Variants in PLCH1 observed in about 807,000 individuals in gnomAD.
The protein encoded by PLCH1 is phospholipase C eta 1.
In PLCH1, 60 loss-of-function variants were observed where a neutral mutation model predicts 126.7. The observed-to-expected ratio is 0.47, with a 90% CI of 0.38 to 0.59. The LOEUF (loss-of-function observed/expected upper bound fraction) is 0.59. PLCH1 is among the 20% of genes least tolerant of loss of function. The pLI, the probability that PLCH1 is intolerant of heterozygous loss-of-function variation, is 0.00. For synonymous variants in PLCH1, 719 were observed against 734.9 expected (o/e 0.98, Z 0.35); for missense variants, 1,723 against 2,040.0 (o/e 0.84, Z 2.99).
intron 4 of PLCH1, 69 bp from the exon 5 acceptor site, chr3:155,586,263 C>A: frequency 2.0e-6 from 3 of 1,505,272 alleles, no homozygotes; most frequent in South Asian, 2.3e-5. Flanking sequence ...ACAGAATACT[C>A]GCAAAGACAT....
At chr3:155,695,801 G>A (rs1277406116) in intron 2 of PLCH1, among the ~76,000 whole-genome samples, 1 of 152,226 alleles carries the variant, frequency 6.6e-6, no homozygotes, top group Non-Finnish European at 1.5e-5. Context: ...CCTTTGAGAG[G>A]ACTTTTACTC....
intron 10 of PLCH1, among the ~76,000 whole-genome samples, chr3:155,535,117 T>G (rs935374964): frequency 6.6e-6 from 1 of 152,212 alleles, no homozygotes; most frequent in Non-Finnish European, 1.5e-5. Flanking sequence ...AAGAGCCCTG[T>G]GGGCACACCC....
chr3:155,513,979 T>C (rs372870827), intron 12 of PLCH1, among the ~76,000 whole-genome samples: 1 of 152,124 alleles, frequency 6.6e-6, no homozygotes, highest in Non-Finnish European at 1.5e-5. Context: ...CCAAGAAACA[T>C]GTAACTCATG....
chr3:155,612,822 C>T (rs527503682), intron 2 of PLCH1, among the ~76,000 whole-genome samples: 49 of 148,912 alleles, frequency 3.3e-4, no homozygotes, highest in Non-Finnish European at 4.7e-4. Context: ...ACAGGAGAAT[C>T]GCTTGAACCT....
intron 1 of PLCH1, among the ~76,000 whole-genome samples, chr3:155,716,518 T>C (rs557579395): frequency 2.5e-4 from 38 of 152,292 alleles, no homozygotes; most frequent in Middle Eastern, 3.4e-3. Flanking sequence ...CCCAGGAAGC[T>C]TTTACTAATG....
intron 10 of PLCH1, among the ~76,000 whole-genome samples, chr3:155,533,000 A>C (rs1198784968): frequency 6.6e-6 from 1 of 152,216 alleles, no homozygotes; most frequent in African/African-American, 2.4e-5. Flanking sequence ...GGTTTTGACC[A>C]AAATGCTGAT....
intron 1 of PLCH1, among the ~76,000 whole-genome samples, chr3:155,706,589 C>T (rs1746688960): frequency 6.7e-6 from 1 of 150,034 alleles, no homozygotes; most frequent in Non-Finnish European, 1.5e-5. Context: ...CACTGCACTC[C>T]GGCCTGGGCG....
At chr3:155,508,937 T>C (rs1384602149) in intron 12 of PLCH1, among the ~76,000 whole-genome samples, 1 of 100,270 alleles carries the variant, frequency 1.0e-5, no homozygotes, top group Admixed American at 9.7e-5. Flanking sequence ...TGGTACCAGT[T>C]CCTCCTTGTA....
At chr3:155,595,716 C>G (rs910065605) in intron 3 of PLCH1, among the ~76,000 whole-genome samples, 5 of 150,226 alleles carry the variant, frequency 3.3e-5, no homozygotes, top group East Asian at 3.9e-4. Flanking sequence ...ATCTATGTAT[C>G]TATCTATCTA....
intron 2 of PLCH1, among the ~76,000 whole-genome samples, chr3:155,678,708 ACC>A (rs1414617204): frequency 6.6e-6 from 1 of 152,054 alleles, no homozygotes; most frequent in Non-Finnish European, 1.5e-5. Flanking sequence ...CACCTCAACA[ACC>A]TTACAGCCTT....
At chr3:155,577,234 T>C (rs533923878) in intron 6 of PLCH1, among the ~76,000 whole-genome samples, 10 of 152,182 alleles carry the variant, frequency 6.6e-5, no homozygotes, top group Non-Finnish European at 1.3e-4. Flanking sequence ...CACTCCAGCC[T>C]GGGTGACAGA....
chr3:155,451,797 T>C (rs1712314838), intron 21 of PLCH1, among the ~76,000 whole-genome samples: 1 of 152,218 alleles, frequency 6.6e-6, no homozygotes. Flanking sequence ...CTTTTGGGCC[T>C]AAATTCAGAC....
chr3:155,564,420 T>C (rs181363464), intron 8 of PLCH1, among the ~76,000 whole-genome samples: 10 of 151,826 alleles, frequency 6.6e-5, no homozygotes, highest in East Asian at 5.8e-4. Flanking sequence ...AAAAAATTAG[T>C]TGGGTGTGGT....
In PLCH1 at chr3:155,500,794, T is replaced by G. The variant is rs776090488; in HGVS notation, c.1705A>C (p.Lys569Gln). The G allele has an allele frequency of 8.1e-6, 13 of 1,604,560 alleles. No individual in the cohort carries two copies. The highest frequency in any genetic ancestry group is 3.3e-5 in the Admixed American group (2 of 59,922). Residue 569 changes from lysine to glutamine, a missense_variant and splice_region_variant, in exon 14 of 23, where the codon AAA becomes CAA. This residue lies in a region of PLCH1 where 776 missense variants were observed against 1,062.9 expected (regional missense o/e 0.73). Transcript: ENST00000460012. ...SLMTNFGKHK[K>Q]TTKSRSKSYS... ...GATTTAGACCGTGATTTTGTAGTTT[T>G]CTGCCAGAAAAATCAAAACAAACTT...
At chr3:155,487,358 C>A (rs539860720) in intron 21 of PLCH1, among the ~76,000 whole-genome samples, 3 of 152,200 alleles carry the variant, frequency 2.0e-5, no homozygotes, top group African/African-American at 7.2e-5. Context: ...CTTTAACAGT[C>A]CCTCCAAATC....
chr3:155,536,848 A>C (rs1055298053), intron 10 of PLCH1, among the ~76,000 whole-genome samples: 2 of 152,180 alleles, frequency 1.3e-5, no homozygotes, highest in African/African-American at 4.8e-5. Context: ...CATCACAAAA[A>C]GATCATCACC....
chr3:155,523,060 C>T (rs1402621106), intron 11 of PLCH1, among the ~76,000 whole-genome samples: 2 of 152,040 alleles, frequency 1.3e-5, no homozygotes, highest in East Asian at 1.9e-4. Context: ...CTGCAAGCTC[C>T]GCCTCCCAGG....
At chr3:155,731,293 C>T (rs564071554) in intron 1 of PLCH1, among the ~76,000 whole-genome samples, 66 of 152,342 alleles carry the variant, frequency 4.3e-4, no homozygotes, top group African/African-American at 1.3e-3. Context: ...GACTCAGGCT[C>T]AAGGCCTATT....
chr3:155,614,770 T>C (rs1196807431), intron 2 of PLCH1, among the ~76,000 whole-genome samples: 2 of 152,166 alleles, frequency 1.3e-5, no homozygotes, highest in Non-Finnish European at 2.9e-5. Flanking sequence ...TCTCATCTTA[T>C]ACAAAAATCA....
Sources: gnomAD v4.1 joint callset for allele counts (sites outside exome capture counted in the v4.1 genomes callset) on GRCh38, gnomAD v4.1.1 for gene constraint, gnomAD v4.1.1 regional missense constraint, MANE v1.5 for transcripts, NCBI Gene and HGNC (gene_info 2026-07-23, HGNC 2026-07-21) for gene names.